Variants in FOXP2 observed in about 807,000 individuals in gnomAD.
FOXP2 encodes forkhead box protein P2.
FOXP2 carries 12 observed loss-of-function variants against 115.8 expected under a neutral mutation model. That is an observed-to-expected ratio of 0.10 (90% CI 0.07 to 0.17). FOXP2 has a LOEUF of 0.17. Ranked by LOEUF, FOXP2 falls within the 10% of genes least tolerant of loss-of-function variation. The probability of loss-of-function intolerance (pLI) is 1.00; values close to 1 mark genes in which losing one functional copy is unlikely to be tolerated. For missense variants in FOXP2, 629 were observed against 843.5 expected (o/e 0.75, Z 3.15); for synonymous variants, 328 against 297.7 (o/e 1.10, Z -1.05).
chr7:114,382,314 C>T (rs981130507), intron 2 of FOXP2, among the ~76,000 whole-genome samples: 3 of 152,178 alleles, frequency 2.0e-5, no homozygotes, highest in African/African-American at 7.2e-5. Context: ...CATGGGCTGG[C>T]GCTTGCCCCG....
chr7:114,100,005 C>G (rs961997851), intron 1 of FOXP2, among the ~76,000 whole-genome samples: 2 of 152,006 alleles, frequency 1.3e-5, no homozygotes, highest in Admixed American at 1.3e-4. Context: ...TATGTATATT[C>G]CATAATATCA....
At chr7:114,600,367 A>C (rs1802955820) in intron 3 of FOXP2, among the ~76,000 whole-genome samples, 1 of 152,064 alleles carries the variant, frequency 6.6e-6, no homozygotes, top group African/African-American at 2.4e-5. Context: ...GTTTTTTTTC[A>C]CTGAATGATA....
intron 3 of FOXP2, among the ~76,000 whole-genome samples, chr7:114,547,621 T>C (rs1799994768): frequency 6.6e-6 from 1 of 152,008 alleles, no homozygotes; most frequent in Non-Finnish European, 1.5e-5. Context: ...TATCTGGGCG[T>C]GGTGGCACGT....
chr7:114,176,606 G>A (rs966733780), intron 1 of FOXP2, among the ~76,000 whole-genome samples: 1 of 150,872 alleles, frequency 6.6e-6, no homozygotes, highest in African/African-American at 2.4e-5. Context: ...CTCCCAGAGT[G>A]TTGGGTGTTG....
chr7:114,129,851 T>C (rs1791822650), intron 1 of FOXP2, among the ~76,000 whole-genome samples: 1 of 152,212 alleles, frequency 6.6e-6, no homozygotes, highest in African/African-American at 2.4e-5. Context: ...TATTAAAATA[T>C]TTTCATAAAT....
At chr7:114,513,842 C>CT (rs999108604) in intron 2 of FOXP2, among the ~76,000 whole-genome samples, 1 of 151,770 alleles carries the variant, frequency 6.6e-6, no homozygotes, top group Non-Finnish European at 1.5e-5. Context: ...TTAAATTATG[C>CT]TTTTTTATAT....
At chr7:114,483,085 C>A (rs1370025943) in intron 2 of FOXP2, among the ~76,000 whole-genome samples, 2 of 151,612 alleles carry the variant, frequency 1.3e-5, no homozygotes, top group Non-Finnish European at 3.0e-5. Flanking sequence ...TCTCCTTCCG[C>A]AAGTTAGTTT....
intron 16 of FOXP2, chr7:114,667,739 G>A (rs1807247250): frequency 6.6e-6 from 1 of 152,122 alleles, no homozygotes. Context: ...GCTTGTTACT[G>A]TTATCAGCTT....
chr7:114,293,518 G>A (rs2129176966), intron 2 of FOXP2, among the ~76,000 whole-genome samples: 1 of 152,288 alleles, frequency 6.6e-6, no homozygotes, highest in Admixed American at 6.5e-5. Flanking sequence ...GTAACTATTT[G>A]AGATATGATA....
At chr7:114,612,991 T>C (rs1393383909) in intron 3 of FOXP2, among the ~76,000 whole-genome samples, 1 of 152,234 alleles carries the variant, frequency 6.6e-6, no homozygotes, top group East Asian at 1.9e-4. Context: ...TACTTTTGTG[T>C]TACTTTGTCA....
chr7:114,378,699 A>AAAAAAAAAAAAAAAAAAAAAAAAAC, intron 2 of FOXP2, among the ~76,000 whole-genome samples: 1 of 147,520 alleles, frequency 6.8e-6, no homozygotes, highest in African/African-American at 2.5e-5. Flanking sequence ...AAAAAAAAAA[A>AAAAAAAAAAAAAAAAAAAAAAAAAC]AAGGAAAAGA....
At chr7:114,614,430 G>A (rs1391102781) in intron 3 of FOXP2, among the ~76,000 whole-genome samples, 1 of 152,072 alleles carries the variant, frequency 6.6e-6, no homozygotes, top group Non-Finnish European at 1.5e-5. Flanking sequence ...GGGAAATTAT[G>A]AGTTGAAAAT....
intron 2 of FOXP2, among the ~76,000 whole-genome samples, chr7:114,391,861 G>T (rs1774999215): frequency 6.6e-6 from 1 of 152,138 alleles, no homozygotes; most frequent in South Asian, 2.1e-4. Context: ...ATTAATTCTA[G>T]TTTGTGTCAA....
At chr7:114,411,114 C>T (rs1793152330), upstream of FOXP2, among the ~76,000 whole-genome samples, 1 of 152,082 alleles carries the variant, frequency 6.6e-6, no homozygotes, top group Non-Finnish European at 1.5e-5. Context: ...TTCAGTGCAA[C>T]TCTGGAGCCA....
intron 1 of FOXP2, among the ~76,000 whole-genome samples, chr7:114,192,570 A>C (rs1377781790): frequency 6.6e-6 from 1 of 152,224 alleles, no homozygotes; most frequent in Admixed American, 6.5e-5. Context: ...TTGTCTTCCA[A>C]AGTGGCTGTA....
At chr7:114,652,681 A>G (rs772248541) in intron 9 of FOXP2, among the ~76,000 whole-genome samples, 1 of 152,120 alleles carries the variant, frequency 6.6e-6, no homozygotes, top group South Asian at 2.1e-4. Context: ...GCAAATGACC[A>G]GTCTTTACAA....
chr7:114,459,951 C>G (rs1287360713), intron 2 of FOXP2, among the ~76,000 whole-genome samples: 1 of 152,210 alleles, frequency 6.6e-6, no homozygotes, highest in South Asian at 2.1e-4. Context: ...TGCTTAGAAG[C>G]CTTCAATTCT....
chr7:114,189,114 A>T (rs1255693118), intron 1 of FOXP2, among the ~76,000 whole-genome samples: 1 of 152,142 alleles, frequency 6.6e-6, no homozygotes, highest in Non-Finnish European at 1.5e-5. Flanking sequence ...CATCTGCTAC[A>T]CCTTCCCTCT....
chr7:114,152,396 C>G (rs1033334984), intron 1 of FOXP2, among the ~76,000 whole-genome samples: 3 of 152,176 alleles, frequency 2.0e-5, no homozygotes, highest in Non-Finnish European at 2.9e-5. Context: ...ATTTTGAGCA[C>G]ATACTTCTAC....
Sources: allele counts gnomAD v4.1 joint callset (sites outside exome capture counted in the v4.1 genomes callset), GRCh38; gene constraint gnomAD v4.1.1; transcripts MANE v1.5; gene names NCBI Gene and HGNC (gene_info 2026-07-23, HGNC 2026-07-21).